KDM5B: variants seen among roughly 807,000 people sequenced by gnomAD.
The protein encoded by KDM5B is lysine demethylase 5B, also known as lysine-specific demethylase 5B.
Under a neutral mutation model 193.4 loss-of-function variants are expected in KDM5B, and 144 were observed. That is an observed-to-expected ratio of 0.74 (90% confidence interval 0.65 to 0.86). The LOEUF (loss-of-function observed/expected upper bound fraction) is 0.86. Among genes scored for constraint, KDM5B ranks in the 40% least tolerant of loss-of-function variants. The pLI, the probability that KDM5B is intolerant of heterozygous loss-of-function variation, is 0.00. For missense variants in KDM5B, 1,833 were observed against 1,886.9 expected (o/e 0.97, Z 0.53); for synonymous variants, 668 against 682.6 (o/e 0.98, Z 0.33).
At chr1:202,760,776 C>T (rs1656214718) in intron 7 of KDM5B, among the ~76,000 whole-genome samples, 1 of 152,176 alleles carries the variant, frequency 6.6e-6, no homozygotes, top group Non-Finnish European at 1.5e-5. Context: ...CATACCAAAT[C>T]TAAAGTGGAA....
intron 3 of KDM5B, 83 bp downstream of exon 3, chr1:202,774,530 A>C: frequency 7.5e-7 from 1 of 1,339,672 alleles, no homozygotes; most frequent in East Asian, 2.3e-5. Flanking sequence ...GCTGAGCAAT[A>C]AGTTCCTTTT....
chr1:202,753,148 C>T (rs975932149), intron 11 of KDM5B, 81 bp from the exon 12 acceptor site: 5 of 1,270,108 alleles, frequency 3.9e-6, no homozygotes, highest in African/African-American at 1.5e-5. Context: ...TTTTCAGACT[C>T]GGCTTTGTAA....
At chr1:202,776,966 A>C in intron 2 of KDM5B, 51 bp downstream of exon 2, 1 of 1,145,162 alleles carries the variant, frequency 8.7e-7, no homozygotes, top group Non-Finnish European at 1.3e-6. Flanking sequence ...AATAATTTCA[A>C]AGACGGTCCC....
At chr1:202,753,973 A>G (rs1336085391) in intron 11 of KDM5B, among the ~76,000 whole-genome samples, 1 of 152,064 alleles carries the variant, frequency 6.6e-6, no homozygotes, top group Non-Finnish European at 1.5e-5. Flanking sequence ...CAATATCCAG[A>G]ATTTCTAAGA....
At chr1:202,755,089 T>C (rs1225347952) in intron 11 of KDM5B, among the ~76,000 whole-genome samples, 182 bp downstream of exon 11, 1 of 152,238 alleles carries the variant, frequency 6.6e-6, no homozygotes, top group Non-Finnish European at 1.5e-5. Context: ...ATGGATGCTC[T>C]AGGAATCTTA....
intron 1 of KDM5B, among the ~76,000 whole-genome samples, chr1:202,780,678 AT>A (rs554077936): frequency 6.6e-6 from 1 of 152,166 alleles, no homozygotes; most frequent in African/African-American, 2.4e-5. Context: ...ATAATAAAAA[AT>A]ATCTAGATAT....
At chr1:202,760,608 C>T (rs1211866585) in intron 7 of KDM5B, 35 bp from the exon 8 acceptor site, 2 of 1,473,030 alleles carry the variant, frequency 1.4e-6, no homozygotes, top group South Asian at 1.3e-5. Context: ...AACAAAGGAA[C>T]ATGAGCTATT....
chr1:202,769,420 A>G (rs868770334), intron 4 of KDM5B, among the ~76,000 whole-genome samples: 34 of 151,518 alleles, frequency 2.2e-4, no homozygotes, highest in African/African-American at 7.7e-4. Context: ...CTGTAATCCC[A>G]GCACTTTGGG....
intron 9 of KDM5B, among the ~76,000 whole-genome samples, chr1:202,757,674 T>G (rs1656076302): frequency 6.6e-6 from 1 of 152,032 alleles, no homozygotes; most frequent in Non-Finnish European, 1.5e-5. Flanking sequence ...ATGTTAGAGG[T>G]GCTGGGGAAA....
intron 2 of KDM5B, 126 bp downstream of exon 2, chr1:202,776,891 T>C (rs1420157898): frequency 2.8e-6 from 2 of 712,928 alleles, no homozygotes; most frequent in Non-Finnish European, 4.9e-6. Flanking sequence ...ATGTTCTTAT[T>C]TGCTCAAATA....
chr1:202,786,063 A>C (rs1392741582), intron 1 of KDM5B, among the ~76,000 whole-genome samples: 1 of 151,830 alleles, frequency 6.6e-6, no homozygotes, highest in Non-Finnish European at 1.5e-5. Flanking sequence ...GCAATGGCAT[A>C]AACTTGGCTC....
chr1:202,797,692 T>C (rs1657903585), intron 1 of KDM5B, among the ~76,000 whole-genome samples: 1 of 152,230 alleles, frequency 6.6e-6, no homozygotes, highest in Admixed American at 6.5e-5. Flanking sequence ...TACAATATCC[T>C]TCTATTTGCG....
intron 22 of KDM5B, among the ~76,000 whole-genome samples, chr1:202,734,221 T>A (rs771652324): frequency 3.4e-5 from 5 of 147,112 alleles, no homozygotes; most frequent in Non-Finnish European, 7.4e-5. Flanking sequence ...ACCACATCTA[T>A]CCCCTTTCAG....
chr1:202,798,920 C>T (rs755814560), intron 1 of KDM5B, among the ~76,000 whole-genome samples: 8 of 151,816 alleles, frequency 5.3e-5, no homozygotes, highest in Non-Finnish European at 8.8e-5. Context: ...TTCAGGAGGC[C>T]GAGGTGAGAG....
intron 1 of KDM5B, among the ~76,000 whole-genome samples, chr1:202,801,292 A>G (rs1658063091): frequency 6.6e-6 from 1 of 152,100 alleles, no homozygotes; most frequent in South Asian, 2.1e-4. Context: ...GCAGCAGCAC[A>G]TATGGGATGA....
chr1:202,775,849 CTT>C lies in KDM5B; in HGVS notation c.283-1116_283-1115del, dbSNP rs1165201643. The stretch of plus-strand genomic sequence containing the variant: ...CCAGCCTTGGTGACAGAACAAGACT[CTT>C]GTCTCAAAAAAAAAAAAAAAAAAAA... On this transcript the variant is annotated intron_variant, in intron 2 of 26. Coordinates refer to ENST00000367265, the MANE Select transcript of KDM5B (RefSeq NM_006618.5). Among the ~76,000 whole-genome samples the C allele has an allele frequency of 3.7e-3, 240 of 65,174 alleles. 1 individual carries two copies. The Middle Eastern group carries it at 0.12, about 33-fold the overall frequency. 42.8% of individuals were successfully genotyped at this position (65,174 alleles called of 152,430 possible). A position where few individuals can be genotyped will look rare whatever the true frequency, so the allele number is the denominator to read the frequency against.
intron 1 of KDM5B, among the ~76,000 whole-genome samples, chr1:202,792,652 T>A (rs1409225365): frequency 6.6e-6 from 1 of 152,172 alleles, no homozygotes; most frequent in Non-Finnish European, 1.5e-5. Context: ...TTGTTATTAA[T>A]GAATTCAAGT....
chr1:202,790,692 C>G (rs898670160), intron 1 of KDM5B, among the ~76,000 whole-genome samples: 1 of 151,918 alleles, frequency 6.6e-6, no homozygotes, highest in Non-Finnish European at 1.5e-5. Context: ...TGAACTCCAG[C>G]CTGGGTGACA....
chr1:202,780,613 A>G (rs971682151), intron 1 of KDM5B, among the ~76,000 whole-genome samples: 3 of 152,202 alleles, frequency 2.0e-5, no homozygotes, highest in African/African-American at 7.2e-5. Context: ...TCAGTAGAGA[A>G]AAAGCTAAAT....
Sources: allele counts gnomAD v4.1 joint callset (sites outside exome capture counted in the v4.1 genomes callset), GRCh38; gene constraint gnomAD v4.1.1; transcripts MANE v1.5; gene names NCBI Gene and HGNC (gene_info 2026-07-23, HGNC 2026-07-21).